PTPRD: variants seen among roughly 807,000 people sequenced by gnomAD.
PTPRD encodes the protein receptor-type tyrosine-protein phosphatase delta.
In PTPRD, 34 loss-of-function variants were observed where a neutral mutation model predicts 214.5. The ratio of observed to expected loss-of-function variants is 0.16; its 90% CI spans 0.12 to 0.21. The LOEUF (loss-of-function observed/expected upper bound fraction) is 0.21, where lower values mean the gene tolerates loss of function less well. Among genes scored for constraint, PTPRD ranks in the 10% least tolerant of loss-of-function variants. The pLI, the probability that PTPRD is intolerant of heterozygous loss-of-function variation, is 1.00. For missense variants in PTPRD, 2,545 were observed against 2,398.7 expected, an observed-to-expected ratio of 1.06 and a Z score of -1.27; for synonymous variants, 1,128 against 845.7, an observed-to-expected ratio of 1.33 and a Z score of -5.79.
intron 10 of PTPRD, among the ~76,000 whole-genome samples, chr9:9,142,915 CCCCT>C (rs2099862709): frequency 6.6e-6 from 1 of 152,050 alleles, no homozygotes; most frequent in Non-Finnish European, 1.5e-5. Context: ...TTGAGTTCAA[CCCCT>C]AGGGAACACA....
chr9:8,442,133 C>T (rs2095566689), intron 34 of PTPRD, among the ~76,000 whole-genome samples: 1 of 152,232 alleles, frequency 6.6e-6, no homozygotes, highest in African/African-American at 2.4e-5. Flanking sequence ...CCAAAATATC[C>T]TAAGTTTCCA....
At chr9:9,383,912 C>G (rs2063069691) in intron 9 of PTPRD, among the ~76,000 whole-genome samples, 2 of 152,040 alleles carry the variant, frequency 1.3e-5, no homozygotes, top group East Asian at 3.9e-4. Flanking sequence ...TGTGTTTTTG[C>G]AACAGTAATT....
intron 10 of PTPRD, among the ~76,000 whole-genome samples, chr9:9,173,393 G>C (rs1466691242): frequency 6.6e-6 from 1 of 152,062 alleles, no homozygotes; most frequent in Non-Finnish European, 1.5e-5. Flanking sequence ...CATTTGTACT[G>C]GTTGGGTCAT....
At chr9:10,548,434 A>C (rs1326638327) in intron 2 of PTPRD, among the ~76,000 whole-genome samples, 1 of 152,128 alleles carries the variant, frequency 6.6e-6, no homozygotes, top group Admixed American at 6.6e-5. Context: ...CTATGGCATC[A>C]ATCACTATAG....
rs140026043 is a variant in PTPRD, at chr9:10,095,839, T to C, written c.-544-62049A>G. Among the ~76,000 whole-genome samples the C allele has an allele frequency of 3.0e-4, 46 of 151,710 alleles. No homozygotes were observed. In the East Asian group the frequency reaches 8.8e-3, roughly 29 times the overall value. On this transcript the variant is annotated intron_variant, in intron 3 of 45. Coordinates refer to ENST00000381196, the MANE Select transcript of PTPRD (RefSeq NM_002839.4). ...ATGATTTAAACTGCCATTATCTCTATCTACCCAGACCTCTGACATTGAATA... is the reference window on the plus strand; with the variant it reads ...ATGATTTAAACTGCCATTATCTCTACCTACCCAGACCTCTGACATTGAATA...
intron 4 of PTPRD, among the ~76,000 whole-genome samples, chr9:9,942,966 A>G (rs996975694): frequency 6.6e-5 from 10 of 151,664 alleles, no homozygotes; most frequent in African/African-American, 2.4e-4. Context: ...TGAAAATCAC[A>G]AAGCGGTGCC....
At chr9:8,934,482 T>TATATAA (rs2098980423) in intron 11 of PTPRD, among the ~76,000 whole-genome samples, 4 of 7,668 alleles carry the variant, frequency 5.2e-4, no homozygotes, top group Non-Finnish European at 8.5e-4. Context: ...TATATAAATA[T>TATATAA]ATATATATAT....
At chr9:10,230,760 A>T (rs550350945) in intron 3 of PTPRD, among the ~76,000 whole-genome samples, 1 of 152,184 alleles carries the variant, frequency 6.6e-6, no homozygotes, top group African/African-American at 2.4e-5. Context: ...TATGTGTACC[A>T]ACCTATAACA....
At chr9:9,784,229 A>C (rs971748565) in intron 5 of PTPRD, among the ~76,000 whole-genome samples, 18 of 152,100 alleles carry the variant, frequency 1.2e-4, no homozygotes, top group African/African-American at 4.3e-4. Context: ...ACAAAGGATA[A>C]AGCTAACATA....
chr9:10,610,013 G>T (rs914072203), intron 2 of PTPRD, among the ~76,000 whole-genome samples: 1 of 152,114 alleles, frequency 6.6e-6, no homozygotes, highest in African/African-American at 2.4e-5. Context: ...TTCATTCCCT[G>T]CAGACTGCTT....
intron 9 of PTPRD, among the ~76,000 whole-genome samples, chr9:9,364,846 G>C (rs1473299642): frequency 6.6e-6 from 1 of 151,206 alleles, no homozygotes; most frequent in Admixed American, 6.6e-5. Flanking sequence ...TGTGAGCAGT[G>C]TTGAGTGTGG....
chr9:10,545,572 A>G (rs1226975516), intron 2 of PTPRD, among the ~76,000 whole-genome samples: 1 of 152,158 alleles, frequency 6.6e-6, no homozygotes, highest in Non-Finnish European at 1.5e-5. Context: ...TTGTCCTTCC[A>G]TTCAAAGCAT....
At chr9:9,294,630 C>G (rs139288705) in intron 9 of PTPRD, among the ~76,000 whole-genome samples, 16 of 151,680 alleles carry the variant, frequency 1.1e-4, no homozygotes, top group African/African-American at 3.6e-4. Flanking sequence ...AAGAGGTCAA[C>G]GTTAACTCAT....
At chr9:10,218,722 C>A (rs943003656) in intron 3 of PTPRD, among the ~76,000 whole-genome samples, 1 of 151,624 alleles carries the variant, frequency 6.6e-6, no homozygotes, top group Non-Finnish European at 1.5e-5. Flanking sequence ...ATAAAGTTCA[C>A]CAAATGCACT....
At chr9:8,720,685 GTGT>G (rs2098483712) in intron 12 of PTPRD, among the ~76,000 whole-genome samples, 1 of 148,528 alleles carries the variant, frequency 6.7e-6, no homozygotes, top group Non-Finnish European at 1.5e-5. Context: ...CCAAATTGAT[GTGT>G]TTTTTTTTAA....
At chr9:10,441,289 G>A (rs927026179) in intron 2 of PTPRD, among the ~76,000 whole-genome samples, 6 of 151,670 alleles carry the variant, frequency 4.0e-5, no homozygotes, top group African/African-American at 7.2e-5. Flanking sequence ...GATTTGATCT[G>A]TATTTATCTC....
chr9:9,307,307 G>A (rs887836383), intron 9 of PTPRD, among the ~76,000 whole-genome samples: 4 of 152,082 alleles, frequency 2.6e-5, no homozygotes, highest in Non-Finnish European at 5.9e-5. Flanking sequence ...TTGGAGGCTA[G>A]GCACGTACCA....
At chr9:9,046,159 T>A (rs1169323208) in intron 10 of PTPRD, among the ~76,000 whole-genome samples, 5 of 152,224 alleles carry the variant, frequency 3.3e-5, no homozygotes, top group Non-Finnish European at 7.3e-5. Context: ...CACTTGATAA[T>A]GTCTTTCTAA....
At chr9:9,369,453 G>A (rs555955659) in intron 9 of PTPRD, among the ~76,000 whole-genome samples, 35 of 152,180 alleles carry the variant, frequency 2.3e-4, no homozygotes, top group African/African-American at 6.3e-4. Context: ...TTTTGGTGGG[G>A]TTGTTTGCTT....
Sources: gnomAD v4.1 joint callset for allele counts (sites outside exome capture counted in the v4.1 genomes callset) on GRCh38, gnomAD v4.1.1 for gene constraint, MANE v1.5 for transcripts, NCBI Gene and HGNC (gene_info 2026-07-23, HGNC 2026-07-21) for gene names.